PRKCH: variants seen among roughly 807,000 people sequenced by gnomAD.
PRKCH encodes protein kinase C eta, also known as protein kinase C eta type.
PRKCH carries 28 observed loss-of-function variants against 82.5 expected under a neutral mutation model. That is an observed-to-expected ratio of 0.34 (90% CI 0.25 to 0.47). PRKCH has a LOEUF of 0.47. Ranked by LOEUF, PRKCH falls within the 20% of genes least tolerant of loss-of-function variation. PRKCH has a pLI of 1.00. For missense variants in PRKCH, 705 were observed against 881.8 expected (o/e 0.80, Z 2.54); for synonymous variants, 322 against 327.4 (o/e 0.98, Z 0.18).
At chr14:61,523,641 A>G (rs527983658) in intron 10 of PRKCH, among the ~76,000 whole-genome samples, 1 of 152,346 alleles carries the variant, frequency 6.6e-6, no homozygotes, top group Non-Finnish European at 1.5e-5. Flanking sequence ...CACTGAAGAC[A>G]CTGTTATTCT....
intron 10 of PRKCH, among the ~76,000 whole-genome samples, chr14:61,502,013 C>T (rs796404257): frequency 6.0e-5 from 9 of 150,152 alleles, no homozygotes; most frequent in African/African-American, 2.2e-4. Context: ...AATCTAAATC[C>T]TTAAAGAAAG....
intron 9 of PRKCH, among the ~76,000 whole-genome samples, chr14:61,469,429 T>C (rs1439331073): frequency 2.0e-5 from 3 of 152,200 alleles, no homozygotes; most frequent in Admixed American, 1.3e-4. Flanking sequence ...TACAACCTGA[T>C]TGGCTGTGAG....
At chr14:61,330,405 G>A (rs1236703589) in intron 1 of PRKCH, among the ~76,000 whole-genome samples, 5 of 152,360 alleles carry the variant, frequency 3.3e-5, no homozygotes, top group Admixed American at 1.3e-4. Flanking sequence ...TCCATCTTTG[G>A]AAAGTTTGGG....
At chr14:61,238,405 C>A (rs1349128501) in intron 1 of PRKCH, among the ~76,000 whole-genome samples, 2 of 152,156 alleles carry the variant, frequency 1.3e-5, no homozygotes, top group African/African-American at 4.8e-5. Context: ...AATTTTAGAT[C>A]ATTTTTCTCA....
intron 1 of PRKCH, chr14:61,281,078 G>A: frequency 6.6e-7 from 1 of 1,517,176 alleles, no homozygotes; most frequent in Non-Finnish European, 8.8e-7. Flanking sequence ...TGCCAGGCGG[G>A]GAGGCGCTGC....
intron 1 of PRKCH, among the ~76,000 whole-genome samples, chr14:61,294,190 G>A (rs367726369): frequency 1.1e-3 from 162 of 151,694 alleles, no homozygotes; most frequent in African/African-American, 3.7e-3. Flanking sequence ...GCGCGATCTC[G>A]GCTCACTGCA....
At chr14:61,536,880 G>A (rs1320155876) in intron 12 of PRKCH, among the ~76,000 whole-genome samples, 2 of 152,096 alleles carry the variant, frequency 1.3e-5, no homozygotes, top group African/African-American at 4.8e-5. Context: ...CAACACCCCC[G>A]AGGTTGTGGA....
chr14:61,363,972 A>C lies in PRKCH; in HGVS notation c.364-27253A>C, dbSNP rs958925504. 1.2e-3 allele frequency among the ~76,000 whole-genome samples: 42 copies of C among 34,404 alleles called. 1 individual carries two copies. The highest frequency in any genetic ancestry group is 1.6e-4 in the Non-Finnish European group (3 of 18,276). 22.6% of individuals were successfully genotyped at this position (34,404 alleles called of 152,430 possible). ...TAAAATTTTATATATATACGTGTGC[A>C]TGTGTGTGTATATGTGTGTGTGTAT... On this transcript the variant is annotated intron_variant, in intron 1 of 13. Coordinates refer to ENST00000332981, the MANE Select transcript of PRKCH (RefSeq NM_006255.5).
rs548568433 is a variant in PRKCH at position 61,280,106 on chromosome 14, C to T, written c.-19+92438C>T. 37 of 1,610,796 alleles carry T rather than the reference C, an allele frequency of 2.3e-5. No individual in the cohort carries two copies. The highest frequency in any genetic ancestry group is 3.1e-5 in the Non-Finnish European group (36 of 1,178,374). Reference sequence around the variant, plus strand: ...GAAAGCCGGAATCACTCCTCGTCGTCGTCGTCCTGGTCCTGGTAGCGAATG... The same window carrying T: ...GAAAGCCGGAATCACTCCTCGTCGTTGTCGTCCTGGTCCTGGTAGCGAATG... On this transcript the variant is annotated intron_variant, in intron 1 of 3. Transcript: ENST00000555185. This position sits in a 1 kb window ranked among gnomAD's most constrained non-coding sequence, Gnocchi z 5.0.
chr14:61,295,450 C>T (rs2045398503), intron 1 of PRKCH, among the ~76,000 whole-genome samples: 1 of 152,196 alleles, frequency 6.6e-6, no homozygotes, highest in African/African-American at 2.4e-5. Context: ...TGTAATTTAG[C>T]TATTGACACA....
At chr14:61,292,767 T>A in intron 1 of PRKCH, among the ~76,000 whole-genome samples, 1 of 80,460 alleles carries the variant, frequency 1.2e-5, no homozygotes, top group Non-Finnish European at 2.4e-5. Context: ...TGAGACTCCA[T>A]CTCCAAAAAA....
chr14:61,533,274 A>G (rs1350637100), intron 12 of PRKCH, among the ~76,000 whole-genome samples: 4 of 151,160 alleles, frequency 2.6e-5, no homozygotes, highest in Non-Finnish European at 5.9e-5. Context: ...AAACACTTAA[A>G]TGTTGTCAGA....
intron 1 of PRKCH, among the ~76,000 whole-genome samples, chr14:61,214,567 T>C (rs2140048461): frequency 6.6e-6 from 1 of 152,288 alleles, no homozygotes; most frequent in South Asian, 2.1e-4. Context: ...TCTCAAGTTC[T>C]GGAGGCTGGA....
chr14:61,188,492 A>G (rs866226020), intron 1 of PRKCH, among the ~76,000 whole-genome samples: 3 of 149,944 alleles, frequency 2.0e-5, no homozygotes, highest in South Asian at 4.3e-4. Flanking sequence ...TGGCTCCGCA[A>G]CCCAACCTCT....
At chr14:61,259,690 C>G (rs1006035512) in intron 1 of PRKCH, among the ~76,000 whole-genome samples, 6 of 152,172 alleles carry the variant, frequency 3.9e-5, no homozygotes, top group Admixed American at 3.9e-4. Flanking sequence ...CAATAAATCT[C>G]CACTGCACAC....
rs369921948 is a variant in PRKCH, at chr14:61,520,149, C to G, written c.1434-8926C>G. Among the ~76,000 whole-genome samples the G allele has an allele frequency of 1.3e-4, 19 of 148,784 alleles. 2 individuals carry two copies. Among genetic ancestry groups the G allele is most frequent in the Admixed American group, 8.0e-4 (12 of 14,992 alleles). On this transcript the variant is annotated intron_variant, in intron 10 of 13. Transcript: ENST00000332981. Reference sequence around the variant, plus strand: ...ATTTTAATGACTTTTTCCTGGTTAACAAAGTAATACATGATTCCTGTAGGA... The same window carrying G: ...ATTTTAATGACTTTTTCCTGGTTAAGAAAGTAATACATGATTCCTGTAGGA...
chr14:61,204,883 C>T (rs1295346179), intron 1 of PRKCH, among the ~76,000 whole-genome samples: 1 of 151,864 alleles, frequency 6.6e-6, no homozygotes, highest in East Asian at 1.9e-4. Context: ...GAGAATGAAA[C>T]TGAGTAAGCT....
intron 10 of PRKCH, among the ~76,000 whole-genome samples, chr14:61,500,110 G>A (rs147549242): frequency 3.1e-4 from 47 of 150,530 alleles, no homozygotes; most frequent in African/African-American, 1.0e-3. Flanking sequence ...GACTTGTCAC[G>A]TTCTTCTCTT....
intron 9 of PRKCH, among the ~76,000 whole-genome samples, chr14:61,468,524 C>T (rs1885360954): frequency 6.6e-6 from 1 of 152,156 alleles, no homozygotes; most frequent in African/African-American, 2.4e-5. Flanking sequence ...TCCTCTCCGG[C>T]TACCAGGCTT....
Sources: allele counts gnomAD v4.1 joint callset (sites outside exome capture counted in the v4.1 genomes callset), GRCh38; gene constraint gnomAD v4.1.1; non-coding constraint Gnocchi (gnomAD v3.1); transcripts MANE v1.5; gene names NCBI Gene and HGNC (gene_info 2026-07-23, HGNC 2026-07-21).